Variants in ZDHHC14 observed in about 807,000 individuals in gnomAD.
ZDHHC14 encodes zDHHC palmitoyltransferase 14, also known as palmitoyltransferase ZDHHC14.
A neutral mutation model predicts 47.7 loss-of-function variants in ZDHHC14; 16 were observed. The observed-to-expected ratio is 0.34, with a 90% CI of 0.23 to 0.51. The LOEUF is 0.51. Ranked by LOEUF, ZDHHC14 falls within the 20% of genes least tolerant of loss-of-function variation. The probability of loss-of-function intolerance (pLI) is 0.97; values close to 1 mark genes in which losing one functional copy is unlikely to be tolerated. For missense variants in ZDHHC14, 515 were observed against 662.5 expected (o/e 0.78, Z 2.44); for synonymous variants, 293 against 278.9 (o/e 1.05, Z -0.50).
At chr6:157,574,072 T>C (rs1335314954) in intron 2 of ZDHHC14, among the ~76,000 whole-genome samples, 1 of 151,694 alleles carries the variant, frequency 6.6e-6, no homozygotes, top group Non-Finnish European at 1.5e-5. Flanking sequence ...GTGTTTGGCA[T>C]GGACTAAATG....
At chr6:157,662,823 A>G (rs672567) in intron 8 of ZDHHC14, among the ~76,000 whole-genome samples, 46,031 of 152,224 alleles carry the variant, frequency 0.3, 7,698 homozygotes, top group Non-Finnish European at 0.39. Context: ...AACTATAAAA[A>G]ATTTTAAGAC....
chr6:157,635,028 C>G (rs538719472), intron 5 of ZDHHC14, among the ~76,000 whole-genome samples: 8 of 151,874 alleles, frequency 5.3e-5, no homozygotes, highest in Non-Finnish European at 8.8e-5. Flanking sequence ...GAGTCTCACT[C>G]TGTCGCCCAG....
chr6:157,537,977 G>A (rs1781601580), intron 1 of ZDHHC14, among the ~76,000 whole-genome samples: 2 of 152,302 alleles, frequency 1.3e-5, no homozygotes, highest in South Asian at 4.1e-4. Flanking sequence ...TTACCACAAG[G>A]ACTACAGATG....
intron 1 of ZDHHC14, among the ~76,000 whole-genome samples, chr6:157,485,905 C>T (rs1412938493): frequency 6.6e-6 from 1 of 152,112 alleles, no homozygotes; most frequent in Non-Finnish European, 1.5e-5. Context: ...CCCAGCTACT[C>T]GGGAGGCTGA....
At chr6:157,556,649 C>T (rs919340576) in intron 2 of ZDHHC14, among the ~76,000 whole-genome samples, 11 of 152,248 alleles carry the variant, frequency 7.2e-5, no homozygotes, top group East Asian at 5.8e-4. Context: ...GTCAGGAGCA[C>T]GTACAGAGTG....
intron 1 of ZDHHC14, among the ~76,000 whole-genome samples, chr6:157,515,826 T>A (rs1308191653): frequency 1.3e-5 from 2 of 152,240 alleles, no homozygotes; most frequent in Admixed American, 1.3e-4. Flanking sequence ...CCCACAGCTG[T>A]CTCTTAACAC....
chr6:157,524,826 A>G (rs896784409), intron 1 of ZDHHC14, among the ~76,000 whole-genome samples: 2 of 152,254 alleles, frequency 1.3e-5, no homozygotes, highest in African/African-American at 4.8e-5. Flanking sequence ...TCAGAAGAAT[A>G]TCCCATTTCA....
At chr6:157,570,282 A>G (rs916923612) in intron 2 of ZDHHC14, among the ~76,000 whole-genome samples, 8 of 152,206 alleles carry the variant, frequency 5.3e-5, no homozygotes, top group Non-Finnish European at 8.8e-5. Context: ...CGTGGTATCC[A>G]GTGTCCACTT....
At chr6:157,628,092 T>TAA (rs918181408) in intron 3 of ZDHHC14, among the ~76,000 whole-genome samples, 1 of 152,226 alleles carries the variant, frequency 6.6e-6, no homozygotes, top group African/African-American at 2.4e-5. Context: ...GCCCTCCTGT[T>TAA]TCTTTAAGTT....
chr6:157,542,441 T>C (rs1781801250), intron 1 of ZDHHC14, 144 bp from the exon 2 acceptor site: 1 of 1,196,746 alleles, frequency 8.4e-7, no homozygotes, highest in Non-Finnish European at 1.1e-6. Context: ...ATCTTTCACA[T>C]AGATGAATTT....
intron 1 of ZDHHC14, among the ~76,000 whole-genome samples, chr6:157,508,686 G>A (rs936957632): frequency 6.6e-5 from 10 of 152,060 alleles, no homozygotes; most frequent in Non-Finnish European, 1.2e-4. Context: ...CCAATGTCTT[G>A]TATTGATCCT....
rs150941770 is a variant in ZDHHC14 at position 157,402,139 on chromosome 6, C to T, written c.245+19873C>T. ...GATCACACTGCACTAGTGAGATGTG[C>T]GCCTGCTGAGGTCACAGCAAGTGAG... is the stretch of plus-strand genomic sequence containing the variant. On this transcript the variant is annotated intron_variant, in intron 1 of 8. Coordinates refer to ENST00000359775, the MANE Select transcript of ZDHHC14 (RefSeq NM_024630.3). 2.6e-4 allele frequency among the ~76,000 whole-genome samples: 39 copies of T among 149,902 alleles called. No homozygotes were observed. In the South Asian group the frequency reaches 5.1e-3, roughly 20 times the overall value.
chr6:157,396,232 C>G (rs908552959), intron 1 of ZDHHC14, among the ~76,000 whole-genome samples: 2 of 152,200 alleles, frequency 1.3e-5, no homozygotes, highest in Middle Eastern at 3.4e-3. Context: ...CCAGAAATAG[C>G]CTATGGTGGC....
chr6:157,572,495 T>A (rs954411574), intron 2 of ZDHHC14, among the ~76,000 whole-genome samples: 1 of 152,270 alleles, frequency 6.6e-6, no homozygotes, highest in Admixed American at 6.5e-5. Context: ...CCTTTTTTTT[T>A]ATTTTATTAT....
intron 1 of ZDHHC14, among the ~76,000 whole-genome samples, chr6:157,412,294 G>T (rs1167307085): frequency 7.1e-6 from 1 of 141,490 alleles, no homozygotes; most frequent in Non-Finnish European, 1.6e-5. Context: ...TGTTGTTGTT[G>T]TTTGTTTGCT....
intron 8 of ZDHHC14, among the ~76,000 whole-genome samples, chr6:157,669,258 G>T (rs182610592): frequency 8.5e-5 from 13 of 152,178 alleles, no homozygotes; most frequent in African/African-American, 3.1e-4. Flanking sequence ...TGGCAGAGAG[G>T]TGATCAGGGG....
intron 1 of ZDHHC14, among the ~76,000 whole-genome samples, chr6:157,432,444 C>T (rs1390360784): frequency 6.6e-6 from 1 of 152,038 alleles, no homozygotes; most frequent in African/African-American, 2.4e-5. Flanking sequence ...GGTGTGGTTG[C>T]CCGGGGCTGC....
At chr6:157,649,464 C>A (rs566728350) in intron 7 of ZDHHC14, among the ~76,000 whole-genome samples, 4 of 152,324 alleles carry the variant, frequency 2.6e-5, no homozygotes, top group African/African-American at 9.6e-5. Flanking sequence ...CCCTCCCTCT[C>A]GTCCCCTCTT....
At chr6:157,410,675 A>T (rs997364147) in intron 1 of ZDHHC14, among the ~76,000 whole-genome samples, 5 of 152,120 alleles carry the variant, frequency 3.3e-5, no homozygotes, top group Non-Finnish European at 7.4e-5. Context: ...CCTTAGCAAG[A>T]TATTTGATTT....
Sources: gnomAD v4.1 joint callset for allele counts (sites outside exome capture counted in the v4.1 genomes callset) on GRCh38, gnomAD v4.1.1 for gene constraint, MANE v1.5 for transcripts, NCBI Gene and HGNC (gene_info 2026-07-23, HGNC 2026-07-21) for gene names.